The following CTNNA2 variants were observed in gnomAD, a reference collection of about 807,000 sequenced individuals.
The protein encoded by CTNNA2 is catenin alpha-2.
A neutral mutation model predicts 101.0 loss-of-function variants in CTNNA2; 42 were observed. That is an observed-to-expected ratio of 0.42 (90% CI 0.32 to 0.54). CTNNA2 has a LOEUF of 0.54. Among genes scored for constraint, CTNNA2 ranks in the 20% least tolerant of loss-of-function variants. The pLI, the probability that CTNNA2 is intolerant of heterozygous loss-of-function variation, is 0.14. For missense variants in CTNNA2, 871 were observed against 1,223.1 expected (o/e 0.71, Z 4.29); for synonymous variants, 450 against 456.4 (o/e 0.99, Z 0.18).
chr2:80,494,484 G>C (rs74466640), intron 9 of CTNNA2, among the ~76,000 whole-genome samples: 1 of 152,136 alleles, frequency 6.6e-6, no homozygotes, highest in African/African-American at 2.4e-5. Context: ...ATGCATGGTG[G>C]GGGGGACTAT....
At chr2:80,546,582 A>G (rs1312291651) in intron 11 of CTNNA2, among the ~76,000 whole-genome samples, 1 of 152,210 alleles carries the variant, frequency 6.6e-6, no homozygotes, top group Non-Finnish European at 1.5e-5. Context: ...GCACTTGTCT[A>G]TGAGGTTGTA....
intron 2 of CTNNA2, among the ~76,000 whole-genome samples, chr2:79,726,840 TGAG>T (rs1686875815): frequency 6.6e-6 from 1 of 152,206 alleles, no homozygotes; most frequent in African/African-American, 2.4e-5. Context: ...GGTTAGAACA[TGAG>T]GAAATATATC....
chr2:79,208,097 T>C (rs1674123957), intron 2 of CTNNA2, among the ~76,000 whole-genome samples: 1 of 152,188 alleles, frequency 6.6e-6, no homozygotes, highest in African/African-American at 2.4e-5. Context: ...GACTTACAGA[T>C]GATGCAGATG....
rs57415185 is a variant in CTNNA2 at position 79,538,243 on chromosome 2, G to GAA, written c.-6+25044_-6+25045dup. On this transcript the variant is annotated intron_variant, in intron 1 of 18. Transcript: ENST00000402739. ...GCATTAGTAATAAAGATGATTATTCGAAAAAAAAACCTTATCAGGGTATAC... is the reference window on the plus strand; with the variant it reads ...GCATTAGTAATAAAGATGATTATTCGAAAAAAAAAAACCTTATCAGGGTATAC... Among the ~76,000 whole-genome samples, 42 of 151,028 alleles carry GAA rather than the reference G, an allele frequency of 2.8e-4. No individual in the cohort carries two copies. In the East Asian group the frequency reaches 4.7e-3, roughly 17 times the overall value.
chr2:80,490,288 C>CCCCCGCG (rs201732088), intron 9 of CTNNA2, among the ~76,000 whole-genome samples: 1 of 97,878 alleles, frequency 1.0e-5, no homozygotes, highest in African/African-American at 4.5e-5. Context: ...CCACCCCCCC[C>CCCCCGCG]CCGGTAAAGC....
intron 6 of CTNNA2, among the ~76,000 whole-genome samples, chr2:79,881,960 T>A (rs1035556232): frequency 6.7e-6 from 1 of 150,088 alleles, no homozygotes; most frequent in African/African-American, 2.5e-5. Flanking sequence ...TTCCTTTCCA[T>A]GTTTAGTGCC....
At chr2:79,578,945 A>G (rs953945924) in intron 1 of CTNNA2, among the ~76,000 whole-genome samples, 1 of 152,072 alleles carries the variant, frequency 6.6e-6, no homozygotes, top group Non-Finnish European at 1.5e-5. Flanking sequence ...ATTTTAGTCT[A>G]CTTACATCAT....
chr2:80,431,530 C>A (rs891957948), intron 9 of CTNNA2, among the ~76,000 whole-genome samples: 9 of 152,162 alleles, frequency 5.9e-5, no homozygotes, highest in Non-Finnish European at 1.3e-4. Flanking sequence ...GTGGTTGAAT[C>A]TTGAATTTGT....
chr2:79,466,954 C>G (rs1470237195), intron 4 of CTNNA2, among the ~76,000 whole-genome samples: 1 of 152,174 alleles, frequency 6.6e-6, no homozygotes, highest in East Asian at 1.9e-4. Flanking sequence ...TCTGAAAATT[C>G]TAAAAATCAG....
intron 9 of CTNNA2, among the ~76,000 whole-genome samples, chr2:80,487,073 C>T (rs1440744521): frequency 1.3e-5 from 2 of 151,902 alleles, no homozygotes; most frequent in Non-Finnish European, 2.9e-5. Flanking sequence ...ATCAGGAGGT[C>T]AGGAGTTCCA....
At chr2:79,920,934 T>G (rs1311615348) in intron 7 of CTNNA2, among the ~76,000 whole-genome samples, 1 of 151,784 alleles carries the variant, frequency 6.6e-6, no homozygotes, top group Non-Finnish European at 1.5e-5. Context: ...CTTAAGGATG[T>G]GTCTGAGGGC....
intron 7 of CTNNA2, among the ~76,000 whole-genome samples, chr2:80,324,292 G>C (rs1185407275): frequency 6.6e-6 from 1 of 152,158 alleles, no homozygotes; most frequent in African/African-American, 2.4e-5. Flanking sequence ...GTGGGCCGCT[G>C]CTCGCAGTGT....
rs187531079 is a variant in CTNNA2, at chr2:80,318,845, C to T, written c.1057-74366C>T. Reference sequence around the variant, plus strand: ...AGAGCAATGCAGACAAGAGATAGTCCCTTGGTAAGCCAATTCTCTATTTCA... The same window carrying T: ...AGAGCAATGCAGACAAGAGATAGTCTCTTGGTAAGCCAATTCTCTATTTCA... On this transcript the variant is annotated intron_variant, in intron 7 of 18. Coordinates refer to ENST00000402739, the MANE Select transcript of CTNNA2 (RefSeq NM_001282597.3). Among the ~76,000 whole-genome samples, 365 of 152,228 alleles carry T rather than the reference C, an allele frequency of 2.4e-3. 1 individual carries two copies. The highest frequency in any genetic ancestry group is 8.5e-3 in the African/African-American group (352 of 41,536).
intron 7 of CTNNA2, among the ~76,000 whole-genome samples, chr2:80,278,357 G>T (rs1481846182): frequency 6.6e-6 from 1 of 152,058 alleles, no homozygotes; most frequent in Non-Finnish European, 1.5e-5. Context: ...CTTGAGCTAG[G>T]CTCAGCTGGA....
At chr2:79,465,665 T>A (rs148196410) in intron 4 of CTNNA2, among the ~76,000 whole-genome samples, 73 of 152,300 alleles carry the variant, frequency 4.8e-4, no homozygotes, top group African/African-American at 1.7e-3. Context: ...CATTGAGCAG[T>A]GGTTTGTAGC....
intron 2 of CTNNA2, among the ~76,000 whole-genome samples, chr2:79,720,124 T>C (rs910416404): frequency 6.6e-6 from 1 of 152,200 alleles, no homozygotes. Context: ...TAGCCAGTTA[T>C]CCCAGCACCA....
At chr2:79,734,554 T>G (rs1687394713) in intron 2 of CTNNA2, among the ~76,000 whole-genome samples, 1 of 152,148 alleles carries the variant, frequency 6.6e-6, no homozygotes, top group Non-Finnish European at 1.5e-5. Flanking sequence ...AGTATTCTAC[T>G]GTCTTCCAGC....
chr2:79,558,004 G>T (rs116593651), intron 1 of CTNNA2, among the ~76,000 whole-genome samples: 4 of 151,894 alleles, frequency 2.6e-5, no homozygotes, highest in African/African-American at 9.7e-5. Context: ...TCTCCAGAGC[G>T]TTTACACACA....
chr2:79,352,775 T>C (rs1458575529), intron 3 of CTNNA2, among the ~76,000 whole-genome samples: 1 of 152,182 alleles, frequency 6.6e-6, no homozygotes, highest in Non-Finnish European at 1.5e-5. Flanking sequence ...TAGTCCATTC[T>C]CACACAGCTA....
Sources: gnomAD v4.1 joint callset for allele counts (sites outside exome capture counted in the v4.1 genomes callset) on GRCh38, gnomAD v4.1.1 for gene constraint, MANE v1.5 for transcripts, NCBI Gene and HGNC (gene_info 2026-07-23, HGNC 2026-07-21) for gene names.